The following EFNB1 variants were observed in gnomAD, a reference collection of about 807,000 sequenced individuals.
The protein encoded by EFNB1 is ephrin B1.
EFNB1 carries 1 observed loss-of-function variant against 18.1 expected under a neutral mutation model. The observed-to-expected ratio is 0.06, with a 90% CI of 0.02 to 0.26. EFNB1 has a LOEUF of 0.26. EFNB1 is among the 10% of genes least tolerant of loss of function. The pLI, the probability that EFNB1 is intolerant of heterozygous loss-of-function variation, is 1.00. For missense variants in EFNB1, 221 were observed against 301.8 expected (o/e 0.73, Z 1.98); for synonymous variants, 131 against 127.5 (o/e 1.03, Z -0.19).
rs767027730 is a variant in EFNB1, at chrX:68,829,861, G to T, written c.85G>T (p.Ala29Ser). 8.5e-7 allele frequency: 1 copy of T among 1,172,601 alleles called. No homozygotes were observed. The highest frequency in any genetic ancestry group is 1.9e-5 in the South Asian group (1 of 53,023). Residue 29 changes from alanine to serine, a missense_variant, in exon 1 of 5, where the codon GCC (alanine) becomes TCC (serine). Coordinates refer to ENST00000204961, the MANE Select transcript of EFNB1 (RefSeq NM_004429.5). ...GCTGTGCCGGCTCGCCACACCGCTG[G>T]CCAAGAACCTGGAGCCCGTATCCTG... ...WALCRLATPL[A>S]KNLEPVSWSS...
chrX:68,838,470 A>C, intron 1 of EFNB1, 147 bp from the exon 2 acceptor site: 1 of 663,381 alleles, frequency 1.5e-6, no homozygotes, highest in Non-Finnish European at 2.3e-6. Flanking sequence ...CCCCACCCCC[A>C]GCCTGAGGAT....
chrX:68,838,558 T>G (rs1028526303), intron 1 of EFNB1, 59 bp from the exon 2 acceptor site: 35 of 1,196,545 alleles, frequency 2.9e-5, no homozygotes, highest in Non-Finnish European at 3.7e-5. Context: ...TCCCTGGTTC[T>G]GGAATGGCCT....
rs901538403 is a variant in EFNB1, at chrX:68,841,765, G to C, written c.*1111G>C. 3 of 113,829 alleles carry C rather than the reference G, an allele frequency of 2.6e-5. No homozygotes were observed. Among genetic ancestry groups the C allele is most frequent in the Non-Finnish European group, 5.6e-5 (3 of 53,462 alleles). 9.4% of individuals were successfully genotyped at this position (113,829 alleles called of 1,213,427 possible). A position where few individuals can be genotyped will look rare whatever the true frequency, so the allele number is the denominator to read the frequency against. On this transcript the variant is annotated 3_prime_UTR_variant, in exon 5 of 5. Coordinates refer to ENST00000204961, the MANE Select transcript of EFNB1 (RefSeq NM_004429.5). ...CCAGTCTTGGGCTGGGGCCTGGAAA[G>C]AGGAAGAGGCTGCCTGGGGCTGGGC... is the stretch of plus-strand genomic sequence containing the variant.
At chrX:68,831,504 CGTTGTGAAGTGCTCAGTG>C (rs55978455) in intron 1 of EFNB1, among the ~76,000 whole-genome samples, 14,828 of 109,347 alleles carry the variant, frequency 0.14, 1,107 homozygotes, top group African/African-American at 0.25. Context: ...CAGGGGGGAA[CGTTGTGAAGTGCTCAGTG>C]GTTGTGAAGT....
intron 1 of EFNB1, among the ~76,000 whole-genome samples, chrX:68,837,901 C>G (rs2080464595): frequency 8.9e-6 from 1 of 112,280 alleles, no homozygotes; most frequent in Admixed American, 9.4e-5. Flanking sequence ...GGATGAATTG[C>G]CAGTAGGACA....
intron 1 of EFNB1, among the ~76,000 whole-genome samples, chrX:68,837,318 A>C (rs761335141): frequency 2.5e-4 from 28 of 111,295 alleles, no homozygotes; most frequent in Non-Finnish European, 1.1e-4. Context: ...GCAGTCAAAC[A>C]TGTTGAACGC....
rs1282173590 is a variant in EFNB1 at position 68,829,923 on chromosome X, C to T, written c.128+19C>T. ...ACCCCAAGTGAGTAACTTATCTCCT[C>T]TGGACGCTGGGGTGGGAGGCACTCC... On this transcript the variant is annotated intron_variant, in intron 1 of 4. Coordinates refer to ENST00000204961, the MANE Select transcript of EFNB1 (RefSeq NM_004429.5). 18 of 1,166,472 alleles carry T rather than the reference C, an allele frequency of 1.5e-5. No individual in the cohort carries two copies. The highest frequency in any genetic ancestry group is 5.2e-5 in the Admixed American group (2 of 38,660).
intron 1 of EFNB1, among the ~76,000 whole-genome samples, chrX:68,835,334 A>G (rs750245515): frequency 3.6e-5 from 4 of 111,540 alleles, no homozygotes; most frequent in Non-Finnish European, 7.6e-5. Context: ...GGCCCCAGAC[A>G]GAAAAGCTTG....
chrX:68,839,424 G>T (rs991875598), intron 2 of EFNB1, among the ~76,000 whole-genome samples: 2 of 112,375 alleles, frequency 1.8e-5, no homozygotes, highest in African/African-American at 6.5e-5. Context: ...TGGCCTGCTC[G>T]TGACAGAGGA....
intron 1 of EFNB1, among the ~76,000 whole-genome samples, chrX:68,831,584 A>G (rs2080445649): frequency 9.0e-6 from 1 of 110,790 alleles, no homozygotes; most frequent in Non-Finnish European, 1.9e-5. Flanking sequence ...GAGGCTGGAA[A>G]TGTTCTGTCT....
chrX:68,840,275 G>C lies in EFNB1; in HGVS notation c.662G>C (p.Gly221Ala). The part of the protein sequence containing the change: ...TVNQEEKSGP[G>A]ASGGSSGDPD... The stretch of plus-strand genomic sequence containing the variant: ...AACCAGGAAGAGAAGAGTGGCCCAG[G>C]TGCAAGTGGGGGCAGCAGCGGGGAC... The change falls in exon 5 of 5, where the codon GGT (glycine) becomes GCT (alanine). Residue 221 changes from glycine (G) to alanine (A), a missense_variant. Transcript: ENST00000204961. The C allele has an allele frequency of 8.3e-7, 1 of 1,211,968 alleles. No individual in the cohort carries two copies. Among genetic ancestry groups the C allele is most frequent in the East Asian group, 3.0e-5 (1 of 33,850 alleles).
intron 1 of EFNB1, among the ~76,000 whole-genome samples, chrX:68,837,147 G>A (rs192110819): frequency 9.0e-6 from 1 of 111,581 alleles, no homozygotes; most frequent in Non-Finnish European, 1.9e-5. Context: ...TATCACTCGA[G>A]TATGGGTTAT....
chrX:68,839,862 G>T, intron 3 of EFNB1, 98 bp from the exon 4 acceptor site: 1 of 1,189,722 alleles, frequency 8.4e-7, no homozygotes, highest in Non-Finnish European at 1.1e-6. Context: ...CAGGCGTAGG[G>T]TTACAGTATC....
chrX:68,829,849 G>T lies in EFNB1; in HGVS notation c.73G>T (p.Ala25Ser). The change falls in exon 1 of 5, where the codon GCC becomes TCC. Residue 25 changes from alanine to serine, a missense_variant. Ala to Ser is a moderately conservative substitution (Grantham distance 99). Transcript: ENST00000204961. Reference sequence around the variant, plus strand: ...GGTCGTGTGGGCGCTGTGCCGGCTCGCCACACCGCTGGCCAAGAACCTGGA... The same window carrying T: ...GGTCGTGTGGGCGCTGTGCCGGCTCTCCACACCGCTGGCCAAGAACCTGGA... Reference protein sequence around the residue: ...AMVVWALCRLATPLAKNLEPV... With the variant: ...AMVVWALCRLSTPLAKNLEPV... The T allele has an allele frequency of 8.5e-7, 1 of 1,174,394 alleles. No homozygotes were observed. Among genetic ancestry groups the T allele is most frequent in the Non-Finnish European group, 1.1e-6 (1 of 876,545 alleles).
chrX:68,838,158 T>G (rs2080466024), intron 1 of EFNB1, among the ~76,000 whole-genome samples: 1 of 49,255 alleles, frequency 2.0e-5, no homozygotes, highest in South Asian at 7.5e-4. Context: ...TGTGTGTGTG[T>G]GTGTGTGTGT....
chrX:68,829,974 A>T, intron 1 of EFNB1, 70 bp downstream of exon 1: 1 of 1,108,817 alleles, frequency 9.0e-7, no homozygotes. Context: ...CACGCCCCGG[A>T]GTGCATGTGG....
intron 1 of EFNB1, among the ~76,000 whole-genome samples, chrX:68,835,876 C>T (rs759349285): frequency 9.0e-6 from 1 of 111,406 alleles, no homozygotes; most frequent in African/African-American, 3.3e-5. Context: ...AGCTAGAAGC[C>T]CTGTTCCAAT....
chrX:68,841,859 G>T lies in EFNB1; in HGVS notation c.*1205G>T, dbSNP rs1286315157. The stretch of plus-strand genomic sequence containing the variant: ...TGCTAACAGACTGCCACTTGAGTGC[G>T]CCTTGCAGGCACTCCCAGAGCAGCC... On this transcript the variant is annotated 3_prime_UTR_variant, in exon 5 of 5. Transcript: ENST00000204961. The T allele has an allele frequency of 8.8e-6, 1 of 113,009 alleles. No individual in the cohort carries two copies. The highest frequency in any genetic ancestry group is 1.9e-5 in the Non-Finnish European group (1 of 53,273). The allele number at this position is 113,009 out of a possible 1,213,427, so 9.3% of individuals were successfully genotyped here.
intron 1 of EFNB1, among the ~76,000 whole-genome samples, chrX:68,835,248 A>G (rs1273992677): frequency 9.0e-6 from 1 of 111,038 alleles, no homozygotes; most frequent in African/African-American, 3.3e-5. Flanking sequence ...AGGGGTTACC[A>G]TGGTGACCTG....
Sources: allele counts gnomAD v4.1 joint callset (sites outside exome capture counted in the v4.1 genomes callset), GRCh38; gene constraint gnomAD v4.1.1; transcripts MANE v1.5; gene names NCBI Gene and HGNC (gene_info 2026-07-23, HGNC 2026-07-21).